GLB1: variants seen among roughly 807,000 people sequenced by gnomAD.
The protein encoded by GLB1 is galactosidase beta 1, also known as beta-galactosidase.
Under a neutral mutation model 74.0 loss-of-function variants are expected in GLB1, and 56 were observed. The ratio of observed to expected loss-of-function variants is 0.76; its 90% CI spans 0.61 to 0.94. GLB1 has a LOEUF of 0.94. GLB1 is among the 40% of genes least tolerant of loss of function. GLB1 has a pLI of 0.00. For missense variants in GLB1, 787 were observed against 845.5 expected (o/e 0.93, Z 0.86); for synonymous variants, 323 against 323.6 (o/e 1.00, Z 0.02).
chr3:33,050,425 T>A (rs951225736), intron 9 of GLB1, among the ~76,000 whole-genome samples: 24 of 152,220 alleles, frequency 1.6e-4, no homozygotes, highest in African/African-American at 5.8e-4. Context: ...AATAAAATAC[T>A]GTACATCCAC....
intron 9 of GLB1, among the ~76,000 whole-genome samples, chr3:33,051,113 G>A (rs1289271169): frequency 2.6e-5 from 4 of 151,240 alleles, no homozygotes; most frequent in Non-Finnish European, 5.9e-5. Flanking sequence ...GGTGCCTGTA[G>A]TCCCAGCTAC....
At chr3:33,052,117 T>C in intron 7 of GLB1, 113 bp from the exon 8 acceptor site, 1 of 1,582,716 alleles carries the variant, frequency 6.3e-7, no homozygotes, top group Middle Eastern at 2.3e-4. Context: ...CATGCTGACA[T>C]GCACTGCTTA....
At chr3:32,964,970 T>C in the GLB1 span, among the ~76,000 whole-genome samples, 2 of 152,226 alleles carry the variant, frequency 1.3e-5, no homozygotes, top group Admixed American at 6.5e-5. Flanking sequence ...CTCTCTTGCC[T>C]GCTGTCATGT....
intron 15 of GLB1, among the ~76,000 whole-genome samples, chr3:33,002,851 A>T (rs1046716126): frequency 1.9e-4 from 29 of 152,196 alleles, no homozygotes; most frequent in Admixed American, 5.2e-4. Flanking sequence ...TTAAAATGGG[A>T]AAGACAAAGG....
chr3:33,069,449 G>A lies in GLB1; in HGVS notation c.246-479C>T, dbSNP rs560298995. The stretch of plus-strand genomic sequence containing the variant: ...TTGGATATAAGGCAAAAGGGTGACT[G>A]CATTTCCTTTCCATGTTATAATGGA... On this transcript the variant is annotated intron_variant, in intron 2 of 15. Transcript: ENST00000307363. Among the ~76,000 whole-genome samples the A allele has an allele frequency of 7.2e-5, 11 of 152,286 alleles. No homozygotes were observed. The South Asian group carries it at 2.3e-3, about 32-fold the overall frequency.
chr3:33,012,270 C>T (rs549768706), intron 15 of GLB1, among the ~76,000 whole-genome samples: 49 of 152,322 alleles, frequency 3.2e-4, no homozygotes, highest in African/African-American at 1.2e-3. Context: ...CCCAGCCATT[C>T]TCCAAGGCCT....
intron 12 of GLB1, among the ~76,000 whole-genome samples, chr3:33,021,021 TG>T (rs1697448113): frequency 6.8e-6 from 1 of 147,692 alleles, no homozygotes; most frequent in Non-Finnish European, 1.5e-5. Context: ...CAAAACAAAA[TG>T]CTGGGAAAAA....
chr3:33,085,661 T>C (rs1700479960), intron 1 of GLB1, among the ~76,000 whole-genome samples: 1 of 151,832 alleles, frequency 6.6e-6, no homozygotes, highest in African/African-American at 2.4e-5. Flanking sequence ...AATCCAAGTC[T>C]GTGGCATAAG....
chr3:33,036,911 TGGAA>T (rs1283006932), intron 10 of GLB1, among the ~76,000 whole-genome samples: 2 of 152,188 alleles, frequency 1.3e-5, no homozygotes, highest in Non-Finnish European at 2.9e-5. Flanking sequence ...AGTTTCTGTC[TGGAA>T]GGAAGAAAAA....
chr3:32,968,976 CTG>C, the GLB1 span, among the ~76,000 whole-genome samples: 2 of 152,214 alleles, frequency 1.3e-5, no homozygotes, highest in Admixed American at 1.3e-4. Flanking sequence ...ACTTTAAAAA[CTG>C]TGAATACCCT....
chr3:33,003,080 A>G (rs1251557737), intron 15 of GLB1, among the ~76,000 whole-genome samples: 1 of 152,228 alleles, frequency 6.6e-6, no homozygotes. Context: ...TCTGCAGCTG[A>G]CGCAAATCAC....
the GLB1 span, among the ~76,000 whole-genome samples, chr3:32,991,230 G>C: frequency 6.6e-6 from 1 of 152,090 alleles, no homozygotes; most frequent in African/African-American, 2.4e-5. Context: ...GAGACCACCG[G>C]GGCCTGGCAA....
rs553485851 is a variant in GLB1, at chr3:32,996,672, A to G, written c.*373T>C. On this transcript the variant is annotated 3_prime_UTR_variant, in exon 16 of 16. Transcript: ENST00000307363. ...TTATTCAGCCCACTCAAGTCTAGTTATGATTTAAGTCAGACCATATAATTC... is the reference window on the plus strand; with the variant it reads ...TTATTCAGCCCACTCAAGTCTAGTTGTGATTTAAGTCAGACCATATAATTC... The G allele has an allele frequency of 3.9e-5, 12 of 304,690 alleles. No homozygotes were observed. Among genetic ancestry groups the G allele is most frequent in the South Asian group, 3.2e-4 (10 of 31,070 alleles). 18.9% of individuals were successfully genotyped at this position (304,690 alleles called of 1,614,324 possible).
chr3:32,966,977 G>A, the GLB1 span, among the ~76,000 whole-genome samples: 79 of 152,156 alleles, frequency 5.2e-4, no homozygotes, highest in Non-Finnish European at 7.5e-4. Flanking sequence ...TAAATTACCC[G>A]GTCTCTGGTA....
chr3:33,046,324 G>T (rs1036609152), intron 9 of GLB1, 92 bp from the exon 10 acceptor site: 3 of 1,462,392 alleles, frequency 2.1e-6, no homozygotes, highest in South Asian at 1.2e-5. Flanking sequence ...TGTAGAGAGA[G>T]AAAACTAGAA....
At chr3:33,083,503 A>G (rs748170293) in intron 1 of GLB1, among the ~76,000 whole-genome samples, 2 of 152,136 alleles carry the variant, frequency 1.3e-5, no homozygotes, top group Non-Finnish European at 2.9e-5. Context: ...AATGCAAATA[A>G]TGCAAGATTT....
chr3:32,965,777 C>T, the GLB1 span, among the ~76,000 whole-genome samples: 1 of 152,188 alleles, frequency 6.6e-6, no homozygotes, highest in Non-Finnish European at 1.5e-5. Context: ...CAGGGCCCCC[C>T]TGCAGTGTAC....
At chr3:33,023,109 C>T (rs997970442) in intron 11 of GLB1, among the ~76,000 whole-genome samples, 1 of 152,158 alleles carries the variant, frequency 6.6e-6, no homozygotes. Context: ...AAAGTCATTT[C>T]TGCTCACACA....
intron 10 of GLB1, among the ~76,000 whole-genome samples, chr3:33,031,677 T>A: frequency 1.0e-5 from 1 of 97,172 alleles, no homozygotes; most frequent in Non-Finnish European, 2.1e-5. Context: ...ATATATATAA[T>A]CTCCACTAAA....
Sources: gnomAD v4.1 joint callset for allele counts (sites outside exome capture counted in the v4.1 genomes callset) on GRCh38, gnomAD v4.1.1 for gene constraint, MANE v1.5 for transcripts, NCBI Gene and HGNC (gene_info 2026-07-23, HGNC 2026-07-21) for gene names.